CCDC171: variants seen among roughly 807,000 people sequenced by gnomAD.
The protein encoded by CCDC171 is coiled-coil domain containing 171.
In CCDC171, 177 loss-of-function variants were observed where a neutral mutation model predicts 168.2. The observed-to-expected ratio is 1.05, with a 90% confidence interval of 0.93 to 1.19. The LOEUF is 1.19. Among genes scored for constraint, CCDC171 ranks in the 50% most tolerant of loss-of-function variants. The pLI, the probability that CCDC171 is intolerant of heterozygous loss-of-function variation, is 0.00. For synonymous variants in CCDC171, 687 were observed against 540.8 expected (o/e 1.27, Z -3.75); for missense variants, 1,991 against 1,539.0 (o/e 1.29, Z -4.91).
chr9:15,650,437 G>GT (rs1204246283), intron 7 of CCDC171, among the ~76,000 whole-genome samples: 1 of 152,054 alleles, frequency 6.6e-6, no homozygotes, highest in East Asian at 1.9e-4. Context: ...CATGTAGTGG[G>GT]TGTGAAGGTA....
chr9:15,837,298 T>G (rs1210760083), intron 21 of CCDC171, among the ~76,000 whole-genome samples: 2 of 152,170 alleles, frequency 1.3e-5, no homozygotes, highest in African/African-American at 4.8e-5. Context: ...ATTTAGAAGG[T>G]TAGAACAACT....
the CCDC171 span, among the ~76,000 whole-genome samples, chr9:16,095,869 C>CATATATATATATATATAT: frequency 2.0e-3 from 248 of 123,756 alleles, 1 homozygote; most frequent in Non-Finnish European, 2.9e-3. Flanking sequence ...CACATAGGCA[C>CATATATATATATATATAT]ATATATATAT....
intron 25 of CCDC171, among the ~76,000 whole-genome samples, chr9:15,942,811 G>T (rs1227151750): frequency 6.6e-6 from 1 of 151,846 alleles, no homozygotes; most frequent in African/African-American, 2.4e-5. Context: ...AAGAAATATA[G>T]AGAAAGATAT....
At chr9:15,892,307 C>T (rs749687536) in intron 24 of CCDC171, among the ~76,000 whole-genome samples, 1 of 152,108 alleles carries the variant, frequency 6.6e-6, no homozygotes, top group Non-Finnish European at 1.5e-5. Context: ...CTTCCAGCTT[C>T]TGCCAATTCG....
chr9:15,851,556 G>A (rs569107027), intron 23 of CCDC171, among the ~76,000 whole-genome samples: 18 of 151,722 alleles, frequency 1.2e-4, no homozygotes, highest in African/African-American at 3.1e-4. Context: ...AATTTTGGCC[G>A]CTTTTTATTT....
chr9:15,597,362 C>A (rs532907849), intron 6 of CCDC171, among the ~76,000 whole-genome samples: 1 of 151,978 alleles, frequency 6.6e-6, no homozygotes, highest in African/African-American at 2.4e-5. Flanking sequence ...TGAAGGGTTG[C>A]TGAATTTTGT....
upstream of CCDC171, among the ~76,000 whole-genome samples, chr9:16,041,345 T>C (rs1833567822): frequency 6.6e-6 from 1 of 152,102 alleles, no homozygotes; most frequent in South Asian, 2.1e-4. Flanking sequence ...GGAAATAAAA[T>C]GAAGGAGCTT....
intron 7 of CCDC171, among the ~76,000 whole-genome samples, chr9:15,631,202 A>T (rs2045658926): frequency 6.6e-6 from 1 of 152,084 alleles, no homozygotes; most frequent in Admixed American, 6.6e-5. Flanking sequence ...AGAAACACAA[A>T]AAACCCTTCA....
chr9:16,023,352 A>T (rs1380656269), intron 6 of CCDC171, among the ~76,000 whole-genome samples: 1 of 152,136 alleles, frequency 6.6e-6, no homozygotes, highest in Non-Finnish European at 1.5e-5. Context: ...ATCTTAAGGA[A>T]TAAAGAATTT....
intron 18 of CCDC171, among the ~76,000 whole-genome samples, chr9:15,772,820 G>A (rs1166076353): frequency 1.3e-5 from 2 of 152,068 alleles, no homozygotes; most frequent in East Asian, 3.9e-4. Flanking sequence ...TCTTAGATAT[G>A]GCCATGACTA....
chr9:15,975,951 G>A (rs1831607981), downstream of CCDC171, among the ~76,000 whole-genome samples: 1 of 152,142 alleles, frequency 6.6e-6, no homozygotes, highest in Non-Finnish European at 1.5e-5. Context: ...CTTTGTAAGA[G>A]AGGGAGGTGC....
chr9:16,028,736 T>C (rs1483938216), intron 6 of CCDC171, among the ~76,000 whole-genome samples: 1 of 152,104 alleles, frequency 6.6e-6, no homozygotes, highest in Non-Finnish European at 1.5e-5. Flanking sequence ...ATTCTGAAAT[T>C]GCTGCATTTG....
At chr9:15,643,408 C>T (rs190881783) in intron 7 of CCDC171, among the ~76,000 whole-genome samples, 294 of 152,284 alleles carry the variant, frequency 1.9e-3, no homozygotes, top group African/African-American at 6.4e-3. Context: ...CAGTATGCAT[C>T]ATGCTTTATA....
chr9:15,755,758 T>C (rs562927041), intron 18 of CCDC171, among the ~76,000 whole-genome samples: 1 of 152,230 alleles, frequency 6.6e-6, no homozygotes, highest in South Asian at 2.1e-4. Flanking sequence ...CATCTAGAGA[T>C]AGAAAGTAGA....
At chr9:15,812,225 CT>C (rs949639932) in intron 21 of CCDC171, among the ~76,000 whole-genome samples, 1 of 152,204 alleles carries the variant, frequency 6.6e-6, no homozygotes, top group Non-Finnish European at 1.5e-5. Context: ...GCATAGCTTT[CT>C]TATTCAAACC....
At chr9:15,734,209 A>T in intron 16 of CCDC171, among the ~76,000 whole-genome samples, 1 of 152,212 alleles carries the variant, frequency 6.6e-6, no homozygotes, top group East Asian at 1.9e-4. Context: ...AATGGAAATG[A>T]TCATTTTAAT....
At chr9:15,877,951 A>G (rs1227016509) in intron 24 of CCDC171, among the ~76,000 whole-genome samples, 1 of 152,094 alleles carries the variant, frequency 6.6e-6, no homozygotes, top group East Asian at 1.9e-4. Context: ...AACAATAGCT[A>G]ATATTTGTTG....
Position 15,893,271 on chromosome 9 carries a change from A to G in CCDC171, c.3600+18608A>G, listed in dbSNP as rs940201187. Among the ~76,000 whole-genome samples the G allele has an allele frequency of 2.0e-4, 30 of 152,336 alleles. No individual in the cohort carries two copies. The Middle Eastern group carries it at 0.01, about 52-fold the overall frequency. On this transcript the variant is annotated intron_variant, in intron 24 of 25. Transcript: ENST00000380701. ...ACTGGACCCCTTCTTTACACCTTATACAAAAATTAACTCAAGATGGATTAA... is the reference window on the plus strand; with the variant it reads ...ACTGGACCCCTTCTTTACACCTTATGCAAAAATTAACTCAAGATGGATTAA...
chr9:15,937,725 AAG>A (rs1827265209), intron 25 of CCDC171, among the ~76,000 whole-genome samples: 1 of 151,946 alleles, frequency 6.6e-6, no homozygotes, highest in Non-Finnish European at 1.5e-5. Context: ...CTTAATACCT[AAG>A]AGAGAGAGCT....
Sources: allele counts gnomAD v4.1 joint callset (sites outside exome capture counted in the v4.1 genomes callset), GRCh38; gene constraint gnomAD v4.1.1; transcripts MANE v1.5; gene names NCBI Gene and HGNC (gene_info 2026-07-23, HGNC 2026-07-21).